DNAH3: variants seen among roughly 807,000 people sequenced by gnomAD.
DNAH3 encodes the protein dynein axonemal heavy chain 3, also known as axonemal beta dynein heavy chain 3.
DNAH3 carries 332 observed loss-of-function variants against 432.5 expected under a neutral mutation model. The ratio of observed to expected loss-of-function variants is 0.77; its 90% CI spans 0.70 to 0.84. DNAH3 has a LOEUF of 0.84. Ranked by LOEUF, DNAH3 falls within the 40% of genes least tolerant of loss-of-function variation. The pLI is 0.00. For missense variants in DNAH3, 4,861 were observed against 5,114.0 expected (o/e 0.95, Z 1.51); for synonymous variants, 1,956 against 1,900.2 (o/e 1.03, Z -0.76).
chr16:21,058,944 TGTATACCTATGTAACAGAC>T, intron 26 of DNAH3, among the ~76,000 whole-genome samples: 1 of 152,144 alleles, frequency 6.6e-6, no homozygotes, highest in African/African-American at 2.4e-5. Flanking sequence ...CCATGGTACA[TGTATACCTATGTAACAGAC>T]CTGCATGTTC....
At chr16:20,950,601 G>C (rs1286694928) in intron 56 of DNAH3, among the ~76,000 whole-genome samples, 1 of 152,174 alleles carries the variant, frequency 6.6e-6, no homozygotes. Context: ...CAGGTATACA[G>C]TGTCTGCCAC....
chr16:21,034,753 A>T (rs3115432), intron 35 of DNAH3, among the ~76,000 whole-genome samples: 1 of 152,140 alleles, frequency 6.6e-6, no homozygotes, highest in Admixed American at 6.5e-5. Flanking sequence ...AATAAGAAGC[A>T]TCTAAATGAA....
At chr16:20,995,460 G>A (rs1406891230) in intron 44 of DNAH3, among the ~76,000 whole-genome samples, 2 of 151,886 alleles carry the variant, frequency 1.3e-5, no homozygotes, top group Admixed American at 6.6e-5. Flanking sequence ...ATGGGGTTTC[G>A]CCATCTTGGC....
At chr16:20,953,591 T>C (rs1384032644) in intron 55 of DNAH3, among the ~76,000 whole-genome samples, 2 of 152,046 alleles carry the variant, frequency 1.3e-5, no homozygotes, top group Non-Finnish European at 2.9e-5. Context: ...CTTTTTTTTT[T>C]TGAGAGACTG....
chr16:21,156,572 A>C (rs1210345546), intron 1 of DNAH3, among the ~76,000 whole-genome samples: 2 of 152,170 alleles, frequency 1.3e-5, no homozygotes, highest in African/African-American at 2.4e-5. Context: ...CTTCACCTTC[A>C]TGACCTAATC....
At chr16:21,153,649 A>G (rs568686470) in intron 1 of DNAH3, among the ~76,000 whole-genome samples, 8 of 152,260 alleles carry the variant, frequency 5.3e-5, no homozygotes, top group African/African-American at 1.9e-4. Context: ...GAAGGTCTGC[A>G]GCTTCACTCC....
chr16:21,136,276 C>A, intron 6 of DNAH3, 48 bp downstream of exon 7: 1 of 1,529,104 alleles, frequency 6.5e-7, no homozygotes, highest in Non-Finnish European at 9.0e-7. Flanking sequence ...AAAGAAGGTG[C>A]CCTCTACATA....
At chr16:21,084,159 T>G (rs1212430598) in intron 19 of DNAH3, among the ~76,000 whole-genome samples, 1 of 152,088 alleles carries the variant, frequency 6.6e-6, no homozygotes, top group Non-Finnish European at 1.5e-5. Flanking sequence ...TTCCAATCCG[T>G]GAAATGGAGA....
chr16:21,026,700 CAAAAAAA>C (rs35667454), intron 38 of DNAH3, among the ~76,000 whole-genome samples: 1,538 of 47,794 alleles, frequency 0.032, 33 homozygotes, highest in African/African-American at 0.11. Flanking sequence ...TACTCCGTCT[CAAAAAAA>C]AAAAAAAAAA....
chr16:21,019,132 C>T (rs1240313167), intron 41 of DNAH3: 1 of 151,098 alleles, frequency 6.6e-6, no homozygotes, highest in African/African-American at 2.5e-5. Flanking sequence ...ACTTCAGGAC[C>T]ACCCATGGGC....
intron 47 of DNAH3, 58 bp downstream of exon 47, chr16:20,987,247 A>T (rs2086241304): frequency 8.8e-6 from 14 of 1,593,794 alleles, no homozygotes; most frequent in Non-Finnish European, 1.2e-5. Flanking sequence ...TCTGAAAGTA[A>T]CGTGGTTAAA....
At chr16:20,969,650 C>G (rs1254129443) in intron 52 of DNAH3, 142 bp downstream of exon 52, 1 of 952,888 alleles carries the variant, frequency 1.0e-6, no homozygotes, top group Non-Finnish European at 1.6e-6. Context: ...TGCACACACA[C>G]AGCCTGGTTC....
intron 54 of DNAH3, among the ~76,000 whole-genome samples, chr16:20,957,761 C>T (rs919755312): frequency 7.7e-5 from 10 of 130,072 alleles, no homozygotes; most frequent in Non-Finnish European, 1.1e-4. Flanking sequence ...GAGTGGAGAT[C>T]GCGTCATTGC....
chr16:21,154,440 C>T (rs527974146), intron 1 of DNAH3, among the ~76,000 whole-genome samples: 5 of 152,118 alleles, frequency 3.3e-5, no homozygotes, highest in East Asian at 1.9e-4. Flanking sequence ...TGATGTGGAG[C>T]TAATGGACCC....
In DNAH3 at chr16:20,985,716, C is replaced by G. The variant is rs1454183722; in HGVS notation, c.7027-1G>C. 6.2e-7 allele frequency: 1 copy of G among 1,610,096 alleles called. No homozygotes were observed. Among genetic ancestry groups the G allele is most frequent in the Non-Finnish European group, 8.5e-7 (1 of 1,177,066 alleles). On this transcript the variant is annotated splice_acceptor_variant, in intron 47 of 61. Transcript: ENST00000261383. LOFTEE classifies it high-confidence loss of function. ...CAGTGGGTGACAAGTGGATAAGCAC[C>G]TGTAAGAAAAGTAAATCTCGGCGGG...
chr16:21,019,470 T>G (rs2088037275), intron 41 of DNAH3, 154 bp downstream of exon 41: 2 of 875,216 alleles, frequency 2.3e-6, no homozygotes, highest in Non-Finnish European at 3.5e-6. Flanking sequence ...AATGATGATA[T>G]TTTAATTCTG....
rs2092840363 is a variant in DNAH3 at position 21,150,500 on chromosome 16, C to CT, written c.118-4413dup. 3.2e-6 allele frequency: 1 copy of CT among 309,998 alleles called. No homozygotes were observed. Among genetic ancestry groups the CT allele is most frequent in the South Asian group, 3.0e-5 (1 of 33,816 alleles). 19.2% of individuals were successfully genotyped at this position (309,998 alleles called of 1,614,324 possible). A position where few individuals can be genotyped will look rare whatever the true frequency, so the allele number is the denominator to read the frequency against. Reference sequence around the variant, plus strand: ...AAGCTCTGTTCATGAGGTTGCCTCTCTGAGGTCATAGACTTTGGCCCGCTG... The same window carrying CT: ...AAGCTCTGTTCATGAGGTTGCCTCTCTTGAGGTCATAGACTTTGGCCCGCTG... On this transcript the variant is annotated intron_variant, in intron 1 of 61. An upstream open reading frame in the 5' UTR loses its in-frame stop. Transcript: ENST00000261383.
intron 31 of DNAH3, among the ~76,000 whole-genome samples, chr16:21,046,282 G>A (rs2089693055): frequency 6.8e-6 from 1 of 146,376 alleles, no homozygotes; most frequent in Non-Finnish European, 1.5e-5. Flanking sequence ...GGGTGTTAAA[G>A]TCTCCCATTA....
At chr16:20,982,988 G>T in intron 48 of DNAH3, 102 bp from the exon 49 acceptor site, 2 of 1,319,746 alleles carry the variant, frequency 1.5e-6, no homozygotes, top group Non-Finnish European at 2.1e-6. Context: ...AGTGGGGGCA[G>T]GCTTCCTCCT....
Sources: allele counts gnomAD v4.1 joint callset (sites outside exome capture counted in the v4.1 genomes callset), GRCh38; gene constraint gnomAD v4.1.1; transcripts MANE v1.5; gene names NCBI Gene and HGNC (gene_info 2026-07-23, HGNC 2026-07-21).